The following PIK3CA variants were observed in gnomAD, a reference collection of about 807,000 sequenced individuals.
PIK3CA encodes the protein phosphatidylinositol 4,5-bisphosphate 3-kinase catalytic subunit alpha isoform.
In PIK3CA, 27 loss-of-function variants were observed where a neutral mutation model predicts 138.2. That is an observed-to-expected ratio of 0.20 (90% CI 0.14 to 0.27). The LOEUF is 0.27. Among genes scored for constraint, PIK3CA ranks in the 10% least tolerant of loss-of-function variants. The pLI is 1.00. For synonymous variants in PIK3CA, 358 were observed against 413.2 expected, an observed-to-expected ratio of 0.87 and a Z score of 1.62; for missense variants, 544 against 1,277.4, an observed-to-expected ratio of 0.43 and a Z score of 8.75.
At chr3:179,171,514 A>G (rs979737915) in intron 1 of PIK3CA, among the ~76,000 whole-genome samples, 2 of 152,110 alleles carry the variant, frequency 1.3e-5, no homozygotes, top group African/African-American at 2.4e-5. Flanking sequence ...GCTAAAATGA[A>G]CAAGAAGGGA....
chr3:179,224,915 T>C, intron 16 of PIK3CA, 94 bp downstream of exon 16: 1 of 827,576 alleles, frequency 1.2e-6, no homozygotes, highest in Non-Finnish European at 1.9e-6. Context: ...CTGAAAGCCA[T>C]TTAAGGAATA....
At chr3:179,214,428 G>C (rs1390461205) in intron 9 of PIK3CA, among the ~76,000 whole-genome samples, 1 of 152,122 alleles carries the variant, frequency 6.6e-6, no homozygotes, top group Non-Finnish European at 1.5e-5. Context: ...AGGAGCAAAG[G>C]TTGGTCGGTG....
In PIK3CA at chr3:179,153,278, T is replaced by C. The variant is rs547338226; in HGVS notation, c.-77+4675T>C. On this transcript the variant is annotated intron_variant, in intron 1 of 20. Transcript: ENST00000263967. ...GGGAACTGTGTTTTAAAATTTAATA[T>C]TGTGTTATATATATCACCTTTATTT... is the stretch of plus-strand genomic sequence containing the variant. Among the ~76,000 whole-genome samples, 8 of 152,316 alleles carry C rather than the reference T, an allele frequency of 5.3e-5. 1 individual carries two copies. The highest frequency in any genetic ancestry group is 7.4e-5 in the Non-Finnish European group (5 of 68,022).
chr3:179,186,689 G>A (rs1723990245), intron 1 of PIK3CA, among the ~76,000 whole-genome samples: 1 of 152,100 alleles, frequency 6.6e-6, no homozygotes, highest in Non-Finnish European at 1.5e-5. Flanking sequence ...ATATAGGTTT[G>A]GTTATAAACT....
Position 179,219,257 on chromosome 3 carries a change from T to G in PIK3CA, c.1726T>G (p.Ser576Ala). The G allele has an allele frequency of 6.3e-7, 1 of 1,598,408 alleles. No individual in the cohort carries two copies. Among genetic ancestry groups the G allele is most frequent in the Non-Finnish European group, 8.6e-7 (1 of 1,166,196 alleles). ...ATTGCTTCTGTCTGTTAAATGGAATTCTAGAGATGAAGTAGCCCAGGTAAA... is the reference window on the plus strand; with the variant it reads ...ATTGCTTCTGTCTGTTAAATGGAATGCTAGAGATGAAGTAGCCCAGGTAAA... ...PKLLLSVKWNSRDEVAQMYCL... is the reference protein window; with the variant it reads ...PKLLLSVKWNARDEVAQMYCL... The change falls in exon 11 of 21, where the codon TCT (serine) becomes GCT (alanine). Residue 576 changes from serine to alanine, a missense_variant. Ser to Ala is a moderately conservative substitution (Grantham distance 99, BLOSUM62 1). Transcript: ENST00000263967. The surrounding 1 kb of genome is among the most constrained non-coding windows in gnomAD (Gnocchi z 4.2).
intron 14 of PIK3CA, among the ~76,000 whole-genome samples, chr3:179,223,480 C>G (rs1725013590): frequency 6.6e-6 from 1 of 152,150 alleles, no homozygotes; most frequent in Non-Finnish European, 1.5e-5. Context: ...TTTTACAAGT[C>G]CTTTTCCCAA....
At chr3:179,209,846 T>C in intron 7 of PIK3CA, 146 bp downstream of exon 7, 1 of 468,232 alleles carries the variant, frequency 2.1e-6, no homozygotes, top group South Asian at 5.1e-5. Flanking sequence ...AAATGTATCA[T>C]GGAAGAATAC....
intron 14 of PIK3CA, among the ~76,000 whole-genome samples, chr3:179,223,690 T>C (rs541000294): frequency 6.6e-5 from 10 of 152,330 alleles, no homozygotes; most frequent in African/African-American, 1.7e-4. Context: ...ATGTGGTCTC[T>C]GTCTTAACTA....
At chr3:179,193,181 C>A (rs1724180625) in intron 1 of PIK3CA, among the ~76,000 whole-genome samples, 1 of 152,150 alleles carries the variant, frequency 6.6e-6, no homozygotes, top group Non-Finnish European at 1.5e-5. Context: ...TTAAGTACTT[C>A]CTTCCTAAAT....
intron 1 of PIK3CA, among the ~76,000 whole-genome samples, chr3:179,163,834 G>A (rs545322805): frequency 4.0e-5 from 6 of 151,462 alleles, no homozygotes; most frequent in Admixed American, 2.6e-4. Flanking sequence ...TTCTAATGAT[G>A]TTTTTGCTGG....
At chr3:179,199,927 C>A (rs2108388065) in intron 3 of PIK3CA, 28 bp downstream of exon 3, 3 of 1,337,918 alleles carry the variant, frequency 2.2e-6, no homozygotes, top group South Asian at 1.2e-5. Context: ...CTACTCTAAT[C>A]ATTACTATAG....
chr3:179,199,337 A>T (rs1382944145), intron 2 of PIK3CA, among the ~76,000 whole-genome samples, 160 bp downstream of exon 2: 1 of 152,182 alleles, frequency 6.6e-6, no homozygotes, highest in East Asian at 1.9e-4. Context: ...GAACTATGGA[A>T]CTATTTTTAA....
intron 1 of PIK3CA, among the ~76,000 whole-genome samples, chr3:179,160,906 G>A (rs1212138149): frequency 1.3e-5 from 2 of 151,868 alleles, no homozygotes; most frequent in African/African-American, 4.8e-5. Context: ...TAGCTACTTA[G>A]TACCAACTTT....
At chr3:179,193,175 G>A (rs1349857391) in intron 1 of PIK3CA, among the ~76,000 whole-genome samples, 1 of 152,180 alleles carries the variant, frequency 6.6e-6, no homozygotes, top group African/African-American at 2.4e-5. Flanking sequence ...AGATTTTTAA[G>A]TACTTCCTTC....
intron 16 of PIK3CA, 81 bp downstream of exon 16, chr3:179,224,902 C>G (rs2108418493): frequency 7.4e-6 from 7 of 949,844 alleles, no homozygotes; most frequent in Non-Finnish European, 1.1e-5. Flanking sequence ...ACCATGAAAA[C>G]TACTGAAAGC....
intron 7 of PIK3CA, 74 bp downstream of exon 7, chr3:179,209,774 A>T (rs915961485): frequency 8.2e-6 from 6 of 729,624 alleles, no homozygotes; most frequent in Non-Finnish European, 1.3e-5. Flanking sequence ...GAATTTTTTC[A>T]CAAATTGGAT....
intron 6 of PIK3CA, 146 bp from the exon 7 acceptor site, chr3:179,209,449 A>G (rs1041528986): frequency 2.1e-6 from 1 of 480,988 alleles, no homozygotes; most frequent in Non-Finnish European, 3.8e-6. Flanking sequence ...CTATTTGAAT[A>G]TGACCTTATA....
At position 179,237,629 on chromosome 3, in the gene PIK3CA, C is replaced by T. The variant is rs1725356990; in HGVS notation, c.*3265C>T. The T allele has an allele frequency of 4.8e-6, 1 of 208,102 alleles. No homozygotes were observed. The highest frequency in any genetic ancestry group is 2.3e-5 in the African/African-American group (1 of 43,958). The allele number at this position is 208,102 out of a possible 1,614,324, so 12.9% of individuals were successfully genotyped here. A position where few individuals can be genotyped will look rare whatever the true frequency, so the allele number is the denominator to read the frequency against. On this transcript the variant is annotated 3_prime_UTR_variant, in exon 21 of 21. Transcript: ENST00000263967. The stretch of plus-strand genomic sequence containing the variant: ...ACACAGTCCATCTGTATTCTTTTTT[C>T]CATCAAAAATCGAGTGATTTGGAAT...
At chr3:179,182,077 G>A (rs1723860302) in intron 1 of PIK3CA, among the ~76,000 whole-genome samples, 1 of 152,092 alleles carries the variant, frequency 6.6e-6, no homozygotes, top group Non-Finnish European at 1.5e-5. Context: ...ACTCCCTAGT[G>A]ACGGCTTAAA....
Sources: gnomAD v4.1 joint callset for allele counts (sites outside exome capture counted in the v4.1 genomes callset) on GRCh38, gnomAD v4.1.1 for gene constraint, Gnocchi (gnomAD v3.1) non-coding constraint, MANE v1.5 for transcripts, NCBI Gene and HGNC (gene_info 2026-07-23, HGNC 2026-07-21) for gene names.